The following TMCO5A variants were observed in gnomAD, a reference collection of about 807,000 sequenced individuals.
TMCO5A encodes the protein transmembrane and coiled-coil domains 5A, also known as transmembrane and coiled-coil domain-containing protein 5A.
Under a neutral mutation model 42.3 loss-of-function variants are expected in TMCO5A, and 34 were observed. The ratio of observed to expected loss-of-function variants is 0.80; its 90% confidence interval spans 0.61 to 1.07. TMCO5A has a LOEUF of 1.07. TMCO5A is among the 50% of genes least tolerant of loss of function. The pLI is 0.00. For missense variants in TMCO5A, 357 were observed against 327.9 expected (o/e 1.09, Z -0.69); for synonymous variants, 131 against 115.6 (o/e 1.13, Z -0.86).
chr15:37,963,103 G>A (rs1270341601), intron 11 of TMCO5A, among the ~76,000 whole-genome samples: 1 of 151,890 alleles, frequency 6.6e-6, no homozygotes, highest in Non-Finnish European at 1.5e-5. Context: ...GTTTGGTGTG[G>A]TTTGTTCTTG....
chr15:37,961,391 T>G (rs1313892411), intron 11 of TMCO5A, among the ~76,000 whole-genome samples: 2 of 152,188 alleles, frequency 1.3e-5, no homozygotes, highest in Non-Finnish European at 2.9e-5. Flanking sequence ...TTCTGTTCCA[T>G]TGGTCTATGT....
chr15:37,958,652 C>T (rs534565582), intron 11 of TMCO5A, among the ~76,000 whole-genome samples: 10 of 152,190 alleles, frequency 6.6e-5, no homozygotes, highest in Middle Eastern at 3.4e-3. Context: ...GAAATAGGAA[C>T]GCTTTTACAC....
chr15:37,995,389 C>T, the TMCO5A span, among the ~76,000 whole-genome samples: 781 of 152,336 alleles, frequency 5.1e-3, 2 homozygotes, highest in Non-Finnish European at 8.4e-3. Context: ...TTTCTCACTC[C>T]ACAGGAGATG....
At chr15:37,938,799 G>A (rs1234566888) in intron 6 of TMCO5A, among the ~76,000 whole-genome samples, 2 of 151,994 alleles carry the variant, frequency 1.3e-5, no homozygotes, top group African/African-American at 4.8e-5. Context: ...TATTTAGTAT[G>A]ACCACTACCT....
intron 11 of TMCO5A, among the ~76,000 whole-genome samples, chr15:37,962,946 T>C (rs1427513654): frequency 1.3e-5 from 2 of 152,170 alleles, no homozygotes; most frequent in Non-Finnish European, 2.9e-5. Context: ...TCTTTATTTA[T>C]ATTGCTAATG....
At chr15:37,979,725 G>A in the TMCO5A span, among the ~76,000 whole-genome samples, 3 of 152,102 alleles carry the variant, frequency 2.0e-5, no homozygotes, top group Non-Finnish European at 4.4e-5. Context: ...CAAGCCTCAG[G>A]GCAGCAAGGG....
At chr15:38,030,203 T>C in the TMCO5A span, among the ~76,000 whole-genome samples, 1 of 152,228 alleles carries the variant, frequency 6.6e-6, no homozygotes, top group South Asian at 2.1e-4. Context: ...CGATTCCCAG[T>C]AACTGGATCA....
downstream of TMCO5A, among the ~76,000 whole-genome samples, chr15:37,954,530 A>G (rs1430889022): frequency 2.0e-5 from 3 of 152,094 alleles, no homozygotes; most frequent in Middle Eastern, 3.2e-3. Flanking sequence ...TCAACACCAC[A>G]CCTAGTCTAC....
exon 12 of TMCO5A, chr15:37,967,313 G>A (rs1223625842): frequency 6.6e-6 from 1 of 152,120 alleles, no homozygotes; most frequent in Admixed American, 6.6e-5. Flanking sequence ...TAAATGGTAA[G>A]GTTTTAGGTC....
chr15:37,947,793 T>C (rs989759203), intron 11 of TMCO5A, 97 bp downstream of exon 11: 20 of 767,850 alleles, frequency 2.6e-5, no homozygotes, highest in Non-Finnish European at 4.5e-6. Context: ...GAGCCTTGTA[T>C]ATGCGTGTGC....
the TMCO5A span, among the ~76,000 whole-genome samples, chr15:38,015,888 G>A: frequency 1.3e-5 from 2 of 152,190 alleles, no homozygotes; most frequent in Non-Finnish European, 2.9e-5. Context: ...AGCATCAGTG[G>A]CTGCCCAGGG....
the TMCO5A span, chr15:37,993,254 C>A: frequency 6.6e-6 from 1 of 151,758 alleles, no homozygotes; most frequent in Admixed American, 6.6e-5. Flanking sequence ...ATGGGGGCCA[C>A]ATTTTACCAG....
At chr15:37,995,051 T>A in the TMCO5A span, among the ~76,000 whole-genome samples, 1 of 152,136 alleles carries the variant, frequency 6.6e-6, no homozygotes, top group Non-Finnish European at 1.5e-5. Context: ...TGTTAGGTGT[T>A]CAATGGTGCT....
At chr15:37,991,646 C>CA in the TMCO5A span, among the ~76,000 whole-genome samples, 4 of 152,106 alleles carry the variant, frequency 2.6e-5, no homozygotes, top group Non-Finnish European at 5.9e-5. Flanking sequence ...GTCTTATCTT[C>CA]AAGTTCCTCA....
the TMCO5A span, among the ~76,000 whole-genome samples, chr15:38,021,872 C>G: frequency 6.6e-6 from 1 of 150,762 alleles, no homozygotes; most frequent in Non-Finnish European, 1.5e-5. Context: ...TGCAGCGGCC[C>G]GATCTCAGCT....
chr15:38,011,989 T>C, the TMCO5A span, among the ~76,000 whole-genome samples: 1 of 152,050 alleles, frequency 6.6e-6, no homozygotes, highest in Non-Finnish European at 1.5e-5. Context: ...CCTGGCGCAG[T>C]GCCGGGTGCC....
the TMCO5A span, among the ~76,000 whole-genome samples, chr15:38,004,169 C>T: frequency 1.3e-5 from 2 of 152,038 alleles, no homozygotes; most frequent in Non-Finnish European, 2.9e-5. Flanking sequence ...AGCGGGTTTC[C>T]TTCTAGCCCA....
chr15:38,008,005 C>T, the TMCO5A span, among the ~76,000 whole-genome samples: 7 of 150,312 alleles, frequency 4.7e-5, no homozygotes, highest in Middle Eastern at 3.4e-3. Flanking sequence ...ACGCCATTCT[C>T]CTGCCTCAGC....
the TMCO5A span, chr15:37,994,488 AAG>A: frequency 1.1e-3 from 174 of 152,334 alleles, 3 homozygotes; most frequent in African/African-American, 4.0e-3. Flanking sequence ...ATTATGCTAA[AAG>A]GATACCAAAT....
Sources: allele counts gnomAD v4.1 joint callset (sites outside exome capture counted in the v4.1 genomes callset), GRCh38; gene constraint gnomAD v4.1.1; transcripts MANE v1.5; gene names NCBI Gene and HGNC (gene_info 2026-07-23, HGNC 2026-07-21).